The following GRM1 variants were observed in gnomAD, a reference collection of about 807,000 sequenced individuals.
The protein encoded by GRM1 is metabotropic glutamate receptor 1.
GRM1 carries 33 observed loss-of-function variants against 90.9 expected under a neutral mutation model. The ratio of observed to expected loss-of-function variants is 0.36; its 90% CI spans 0.28 to 0.49. The LOEUF is 0.49. GRM1 is among the 20% of genes least tolerant of loss of function. The pLI is 0.99. For missense variants in GRM1, 1,190 were observed against 1,534.3 expected (o/e 0.78, Z 3.75); for synonymous variants, 700 against 613.2 (o/e 1.14, Z -2.09).
intron 7 of GRM1, among the ~76,000 whole-genome samples, chr6:146,412,292 C>A (rs1397760394): frequency 1.3e-5 from 2 of 152,096 alleles, no homozygotes; most frequent in African/African-American, 4.8e-5. Context: ...CAAAAATAAG[C>A]CCTGCATTTA....
At chr6:146,268,331 C>G (rs1417580784) in intron 2 of GRM1, among the ~76,000 whole-genome samples, 1 of 152,198 alleles carries the variant, frequency 6.6e-6, no homozygotes, top group African/African-American at 2.4e-5. Flanking sequence ...TATGTTTATG[C>G]TTAAGAAGTT....
At chr6:146,188,242 G>A (rs547548652) in intron 2 of GRM1, among the ~76,000 whole-genome samples, 2 of 151,806 alleles carry the variant, frequency 1.3e-5, no homozygotes, top group Non-Finnish European at 2.9e-5. Context: ...TTATCCTACC[G>A]TTAAATCATT....
At chr6:146,302,979 A>G (rs1360315404) in intron 2 of GRM1, among the ~76,000 whole-genome samples, 2 of 152,200 alleles carry the variant, frequency 1.3e-5, no homozygotes, top group East Asian at 3.9e-4. Context: ...ATTTGGAAGC[A>G]TATAAAAAAT....
chr6:146,378,432 A>C (rs1235758662), intron 5 of GRM1, among the ~76,000 whole-genome samples: 1 of 152,180 alleles, frequency 6.6e-6, no homozygotes. Flanking sequence ...ATGGGAACCC[A>C]CCTCTTGCAT....
chr6:146,069,305 T>C (rs895854879), intron 1 of GRM1, among the ~76,000 whole-genome samples: 8 of 152,184 alleles, frequency 5.3e-5, no homozygotes, highest in African/African-American at 1.9e-4. Context: ...TTCATCAGTT[T>C]GTAAGCTTCT....
chr6:146,114,126 C>T (rs774765207), intron 1 of GRM1, among the ~76,000 whole-genome samples: 6 of 152,014 alleles, frequency 3.9e-5, no homozygotes, highest in Admixed American at 6.6e-5. Context: ...GACTCTGATG[C>T]GTAATATTTC....
At chr6:146,269,212 C>G (rs180911836) in intron 2 of GRM1, among the ~76,000 whole-genome samples, 2 of 152,214 alleles carry the variant, frequency 1.3e-5, no homozygotes, top group East Asian at 3.9e-4. Flanking sequence ...ATCAATTGAC[C>G]TATAAAATAA....
At position 146,069,705 on chromosome 6, in the gene GRM1, A is replaced by G. The variant is rs75019929; in HGVS notation, c.700+39488A>G. On this transcript the variant is annotated intron_variant, in intron 1 of 7. Transcript: ENST00000282753. ...TTTCATATGATGAAAGATTCCTAACATTAGCTTAAGAAAGTTATGAAAACT... is the reference window on the plus strand; with the variant it reads ...TTTCATATGATGAAAGATTCCTAACGTTAGCTTAAGAAAGTTATGAAAACT... Among the ~76,000 whole-genome samples, 706 of 152,322 alleles carry G rather than the reference A, an allele frequency of 4.6e-3. 3 individuals carry two copies. Among genetic ancestry groups the G allele is most frequent in the Non-Finnish European group, 8.7e-3 (593 of 68,014 alleles).
At chr6:146,312,562 A>C (rs1419655785) in intron 3 of GRM1, among the ~76,000 whole-genome samples, 1 of 152,104 alleles carries the variant, frequency 6.6e-6, no homozygotes, top group Non-Finnish European at 1.5e-5. Context: ...TAACCATTTT[A>C]ATGTCATTCT....
intron 2 of GRM1, among the ~76,000 whole-genome samples, chr6:146,254,149 G>A (rs567041942): frequency 1.3e-5 from 2 of 152,252 alleles, no homozygotes; most frequent in African/African-American, 4.8e-5. Flanking sequence ...CAGAGAATGG[G>A]CAGAAACGAC....
rs370007652 is a variant in GRM1 at position 146,091,855 on chromosome 6, A to G, written c.700+61638A>G. Among the ~76,000 whole-genome samples the G allele has an allele frequency of 7.2e-5, 11 of 152,092 alleles. No homozygotes were observed. The East Asian group carries it at 9.7e-4, about 13-fold the overall frequency. The stretch of plus-strand genomic sequence containing the variant: ...GGGGGGAGTTAAAATAGTTAATACT[A>G]TCATATGTGATTGGAGTTGCTTTGC... On this transcript the variant is annotated intron_variant, in intron 1 of 7. Coordinates refer to ENST00000282753, the MANE Select transcript of GRM1 (RefSeq NM_001278064.2).
rs529413366 is a variant in GRM1 at position 146,227,263 on chromosome 6, A to G, written c.950+67666A>G. ...AGACATACACGTATTTATTACACAG[A>G]AAGGCTTCTGCTTTCTGGCCCCACT... is the stretch of plus-strand genomic sequence containing the variant. On this transcript the variant is annotated intron_variant, in intron 2 of 7. Transcript: ENST00000282753. Among the ~76,000 whole-genome samples, 32 of 152,234 alleles carry G rather than the reference A, an allele frequency of 2.1e-4. No homozygotes were observed. The South Asian group carries it at 6.2e-3, about 30-fold the overall frequency.
intron 7 of GRM1, among the ~76,000 whole-genome samples, chr6:146,418,562 AT>A (rs140981953): frequency 2.6e-5 from 4 of 151,654 alleles, no homozygotes; most frequent in Admixed American, 6.6e-5. Context: ...TATTTTTACT[AT>A]TTTTTTAATT....
chr6:146,268,175 T>A (rs1781988789), intron 2 of GRM1, among the ~76,000 whole-genome samples: 1 of 152,204 alleles, frequency 6.6e-6, no homozygotes, highest in African/African-American at 2.4e-5. Flanking sequence ...ATCTCAAGAT[T>A]TTTGTTTTTA....
intron 3 of GRM1, among the ~76,000 whole-genome samples, chr6:146,328,168 G>A (rs1474316680): frequency 3.3e-5 from 5 of 152,158 alleles, no homozygotes; most frequent in Non-Finnish European, 7.3e-5. Context: ...GAAACCAGAT[G>A]GGATTTTCTG....
At chr6:146,221,379 T>C (rs1780056655) in intron 2 of GRM1, among the ~76,000 whole-genome samples, 1 of 152,114 alleles carries the variant, frequency 6.6e-6, no homozygotes, top group Non-Finnish European at 1.5e-5. Flanking sequence ...CAGTGTGTGA[T>C]GTTCCCCTCC....
At chr6:146,350,763 G>A (rs1785376711) in intron 3 of GRM1, among the ~76,000 whole-genome samples, 1 of 152,072 alleles carries the variant, frequency 6.6e-6, no homozygotes, top group African/African-American at 2.4e-5. Flanking sequence ...TGTGTGGTTT[G>A]ATTTTAAAAT....
chr6:146,029,418 G>T lies in GRM1; in HGVS notation c.-100G>T. 1.1e-6 allele frequency: 1 copy of T among 929,300 alleles called. No individual in the cohort carries two copies. Among genetic ancestry groups the T allele is most frequent in the Non-Finnish European group, 1.8e-6 (1 of 559,574 alleles). 57.6% of individuals were successfully genotyped at this position (929,300 alleles called of 1,614,324 possible). A position where few individuals can be genotyped will look rare whatever the true frequency, so the allele number is the denominator to read the frequency against. Reference sequence around the variant, plus strand: ...TTGTTGGCGAGGGGCACCACTCCGGGAGAGGCGGCGCTGGGCGTCTTGGGG... The same window carrying T: ...TTGTTGGCGAGGGGCACCACTCCGGTAGAGGCGGCGCTGGGCGTCTTGGGG... On this transcript the variant is annotated 5_prime_UTR_variant, in exon 1 of 8. Coordinates refer to ENST00000282753, the MANE Select transcript of GRM1 (RefSeq NM_001278064.2).
chr6:146,276,596 A>T (rs1339015237), intron 2 of GRM1, among the ~76,000 whole-genome samples: 1 of 152,190 alleles, frequency 6.6e-6, no homozygotes, highest in Non-Finnish European at 1.5e-5. Context: ...AAAGAAAAAA[A>T]ATTAACAGGC....
Sources: allele counts gnomAD v4.1 joint callset (sites outside exome capture counted in the v4.1 genomes callset), GRCh38; gene constraint gnomAD v4.1.1; transcripts MANE v1.5; gene names NCBI Gene and HGNC (gene_info 2026-07-23, HGNC 2026-07-21).